Variants in NPRL3 observed in about 807,000 individuals in gnomAD.
The protein encoded by NPRL3 is GATOR1 complex protein NPRL3.
In NPRL3, 23 loss-of-function variants were observed where a neutral mutation model predicts 57.2. The ratio of observed to expected loss-of-function variants is 0.40; its 90% CI spans 0.29 to 0.57. The LOEUF is 0.57. Ranked by LOEUF, NPRL3 falls within the 20% of genes least tolerant of loss-of-function variation. The probability of loss-of-function intolerance (pLI) is 0.42; values close to 1 mark genes in which losing one functional copy is unlikely to be tolerated. For synonymous variants in NPRL3, 333 were observed against 321.1 expected, an observed-to-expected ratio of 1.04 and a Z score of -0.39; for missense variants, 691 against 767.1, an observed-to-expected ratio of 0.90 and a Z score of 1.17.
rs1421848159 is a variant in NPRL3, at chr16:98,307, A to G, written c.768-6T>C. 4.3e-6 allele frequency: 7 copies of G among 1,610,396 alleles called. No homozygotes were observed. The highest frequency in any genetic ancestry group is 5.9e-6 in the Non-Finnish European group (7 of 1,178,562). Reference sequence around the variant, plus strand: ...GCAGCAGGGCATGGTAGGGGCTGCAAAACAATCACCTGTCACGGAACACAC... The same window carrying G: ...GCAGCAGGGCATGGTAGGGGCTGCAGAACAATCACCTGTCACGGAACACAC... On this transcript the variant is annotated splice_polypyrimidine_tract_variant and splice_region_variant and intron_variant, in intron 8 of 13. Transcript: ENST00000611875.
At chr16:104,288 G>A (rs758671472) in intron 7 of NPRL3, among the ~76,000 whole-genome samples, 3 of 151,998 alleles carry the variant, frequency 2.0e-5, no homozygotes, top group Non-Finnish European at 2.9e-5. Context: ...GCAAGACCCT[G>A]TCTCAAAAAA....
intron 7 of NPRL3, among the ~76,000 whole-genome samples, chr16:110,141 T>C (rs934763827): frequency 1.3e-5 from 2 of 152,114 alleles, no homozygotes; most frequent in Admixed American, 6.5e-5. Flanking sequence ...TGGTGGCGCA[T>C]GCCTGTAATC....
intron 11 of NPRL3, 70 bp downstream of exon 11, chr16:92,526 A>G: frequency 1.9e-6 from 3 of 1,555,190 alleles, no homozygotes; most frequent in Non-Finnish European, 2.6e-6. Flanking sequence ...ATCAGAACCA[A>G]CAGCCAGGCA....
chr16:88,250 G>A (rs1457193872), intron 13 of NPRL3, among the ~76,000 whole-genome samples: 4 of 152,144 alleles, frequency 2.6e-5, no homozygotes, highest in East Asian at 1.9e-4. Context: ...GCGTGGTGGC[G>A]GGCGCCTGTA....
intron 11 of NPRL3, chr16:90,131 C>A: frequency 2.0e-6 from 1 of 511,176 alleles, no homozygotes; most frequent in South Asian, 2.7e-5. Context: ...ATCACACCTG[C>A]ACAGGCTCCC....
chr16:93,509 A>G (rs1047930499), intron 9 of NPRL3, among the ~76,000 whole-genome samples, 184 bp from the exon 10 acceptor site: 3 of 150,360 alleles, frequency 2.0e-5, no homozygotes, highest in Admixed American at 1.3e-4. Flanking sequence ...CACCTTCGCA[A>G]CCTCTCACTA....
chr16:112,559 CTG>C, intron 6 of NPRL3, 61 bp downstream of exon 6: 1 of 1,392,750 alleles, frequency 7.2e-7, no homozygotes, highest in Non-Finnish European at 9.4e-7. Flanking sequence ...CCACAGAGGT[CTG>C]CGCTGCAGAG....
chr16:111,644 G>A (rs1316109881), intron 6 of NPRL3, among the ~76,000 whole-genome samples: 1 of 151,696 alleles, frequency 6.6e-6, no homozygotes, highest in Non-Finnish European at 1.5e-5. Context: ...GTAGAGGCAG[G>A]ATTTCACCAT....
chr16:107,441 C>T (rs1349474337), intron 7 of NPRL3, among the ~76,000 whole-genome samples: 1 of 151,956 alleles, frequency 6.6e-6, no homozygotes, highest in Non-Finnish European at 1.5e-5. Flanking sequence ...GTCAGGAGTT[C>T]GAGACCAGCC....
chr16:135,821 G>A (rs538418781), intron 2 of NPRL3, among the ~76,000 whole-genome samples: 50 of 151,950 alleles, frequency 3.3e-4, no homozygotes, highest in African/African-American at 1.2e-3. Context: ...TTTGTCCCAA[G>A]ACCTATTTTT....
intron 7 of NPRL3, among the ~76,000 whole-genome samples, chr16:104,370 A>T (rs1899441699): frequency 6.6e-6 from 1 of 152,172 alleles, no homozygotes; most frequent in Non-Finnish European, 1.5e-5. Context: ...GAAACTGGAG[A>T]GAGTTATAGG....
chr16:116,719 C>A (rs1234158255), intron 5 of NPRL3, among the ~76,000 whole-genome samples: 1 of 149,404 alleles, frequency 6.7e-6, no homozygotes, highest in African/African-American at 2.5e-5. Context: ...TCCCAGCAGT[C>A]TGGGAGGCCA....
chr16:110,363 C>T (rs576441858), intron 7 of NPRL3, among the ~76,000 whole-genome samples, 162 bp downstream of exon 7: 1 of 152,298 alleles, frequency 6.6e-6, no homozygotes, highest in East Asian at 1.9e-4. Flanking sequence ...CATGACCATC[C>T]CTTCCCAGTC....
intron 3 of NPRL3, 88 bp downstream of exon 3, chr16:130,434 A>G: frequency 7.4e-7 from 1 of 1,343,740 alleles, no homozygotes; most frequent in Non-Finnish European, 1.0e-6. Context: ...TCTCAGGGAG[A>G]AAACATCTGG....
In NPRL3 at chr16:85,826, A is replaced by T. The variant is rs773694346; in HGVS notation, c.*879T>A. 1 of 1,438,284 alleles carries T rather than the reference A, an allele frequency of 7.0e-7. No homozygotes were observed. The allele number at this position is 1,438,284 out of a possible 1,614,324, so 89.1% of individuals were successfully genotyped here. ...TTTTTTAATTGTTTAAAAACCGAAT[A>T]AATGTTTTATTTCTAGAAAACTGTG... On this transcript the variant is annotated 3_prime_UTR_variant, in exon 14 of 14. Transcript: ENST00000611875.
chr16:130,631 G>C lies in NPRL3; in HGVS notation c.119-40C>G, dbSNP rs148510262. 92 of 1,542,436 alleles carry C rather than the reference G, an allele frequency of 6.0e-5. No individual in the cohort carries two copies. In the Middle Eastern group the frequency reaches 8.4e-4, roughly 14 times the overall value. ...AAAGAGGGGAAGGGCTAAGAAAACA[G>C]GGTCCTTCCACACACAGGAGGGTTA... On this transcript the variant is annotated intron_variant, in intron 2 of 13. Coordinates refer to ENST00000611875, the MANE Select transcript of NPRL3 (RefSeq NM_001077350.3).
At chr16:101,022 T>C (rs909278823) in intron 7 of NPRL3, among the ~76,000 whole-genome samples, 8 of 88,220 alleles carry the variant, frequency 9.1e-5, no homozygotes, top group South Asian at 7.7e-4. Flanking sequence ...AAGAGAAACA[T>C]ATTTCTGGCT....
At chr16:92,299 G>A (rs1898794128) in intron 11 of NPRL3, among the ~76,000 whole-genome samples, 1 of 152,156 alleles carries the variant, frequency 6.6e-6, no homozygotes, top group African/African-American at 2.4e-5. Context: ...GAAAAGGTAA[G>A]CACTCTCCTG....
At chr16:91,479 T>C (rs1898762133) in intron 11 of NPRL3, among the ~76,000 whole-genome samples, 1 of 152,184 alleles carries the variant, frequency 6.6e-6, no homozygotes, top group South Asian at 2.1e-4. Flanking sequence ...AACCACTCAG[T>C]CATGGCCTGG....
Sources: allele counts gnomAD v4.1 joint callset (sites outside exome capture counted in the v4.1 genomes callset), GRCh38; gene constraint gnomAD v4.1.1; transcripts MANE v1.5; gene names NCBI Gene and HGNC (gene_info 2026-07-23, HGNC 2026-07-21).